The following NRG3 variants were observed in gnomAD, a reference collection of about 807,000 sequenced individuals.
The protein encoded by NRG3 is pro-neuregulin-3, membrane-bound isoform.
NRG3 carries 31 observed loss-of-function variants against 66.9 expected under a neutral mutation model. The ratio of observed to expected loss-of-function variants is 0.46; its 90% confidence interval spans 0.35 to 0.63. The LOEUF (loss-of-function observed/expected upper bound fraction) is 0.63. NRG3 is among the 20% of genes least tolerant of loss of function. NRG3 has a pLI of 0.00. For missense variants in NRG3, 910 were observed against 878.9 expected (o/e 1.04, Z -0.45); for synonymous variants, 393 against 359.4 (o/e 1.09, Z -1.06).
intron 2 of NRG3, among the ~76,000 whole-genome samples, chr10:82,458,156 C>T (rs2091356032): frequency 6.6e-6 from 1 of 152,114 alleles, no homozygotes; most frequent in Admixed American, 6.5e-5. Flanking sequence ...CACAAAGACT[C>T]CTCAGTTCAT....
At chr10:82,817,139 C>T (rs996258545) in intron 3 of NRG3, among the ~76,000 whole-genome samples, 1 of 152,154 alleles carries the variant, frequency 6.6e-6, no homozygotes, top group Non-Finnish European at 1.5e-5. Flanking sequence ...GTCTCTTCCC[C>T]TTTAATTCAG....
chr10:82,603,859 A>G (rs145291294), intron 2 of NRG3, among the ~76,000 whole-genome samples: 304 of 152,274 alleles, frequency 2.0e-3, no homozygotes, highest in African/African-American at 7.0e-3. Context: ...TACAAATGTT[A>G]TGTTTGAAAT....
chr10:82,524,483 A>G (rs937782260), intron 2 of NRG3, among the ~76,000 whole-genome samples: 2 of 151,968 alleles, frequency 1.3e-5, no homozygotes, highest in African/African-American at 4.8e-5. Flanking sequence ...AACTGGAATC[A>G]TTCAGTAACT....
At chr10:82,133,875 C>A (rs771227767) in intron 1 of NRG3, among the ~76,000 whole-genome samples, 7 of 152,134 alleles carry the variant, frequency 4.6e-5, no homozygotes, top group Non-Finnish European at 8.8e-5. Flanking sequence ...ATGTACACTT[C>A]CATCAAGAGT....
intron 1 of NRG3, among the ~76,000 whole-genome samples, chr10:82,257,963 C>T (rs2077821201): frequency 1.3e-5 from 2 of 152,156 alleles, no homozygotes; most frequent in African/African-American, 4.8e-5. Flanking sequence ...CTCTCTCCTC[C>T]TTGGTGTCTG....
chr10:82,840,950 C>T (rs371116940), intron 3 of NRG3, among the ~76,000 whole-genome samples: 3 of 151,868 alleles, frequency 2.0e-5, no homozygotes, highest in South Asian at 2.1e-4. Context: ...GTACCTGTAT[C>T]GTAATGTAAT....
At chr10:82,060,335 C>T (rs2064075598) in intron 1 of NRG3, among the ~76,000 whole-genome samples, 1 of 152,128 alleles carries the variant, frequency 6.6e-6, no homozygotes, top group African/African-American at 2.4e-5. Context: ...TAGAGAATTA[C>T]AGAAAAAAGA....
At chr10:82,110,089 T>G (rs1190398487) in intron 1 of NRG3, among the ~76,000 whole-genome samples, 1 of 152,088 alleles carries the variant, frequency 6.6e-6, no homozygotes, top group African/African-American at 2.4e-5. Flanking sequence ...TGGTCATAAG[T>G]GCTACAGAGA....
chr10:81,914,769 C>CAAAA (rs58460918), intron 1 of NRG3, among the ~76,000 whole-genome samples: 21,435 of 65,796 alleles, frequency 0.33, 2,020 homozygotes, highest in East Asian at 0.54. Flanking sequence ...AAACAGAAAG[C>CAAAA]AAAAAAAAAA....
rs370904134 is a variant in NRG3 at position 82,974,343 on chromosome 10, A to T, written c.1412+428A>T. On this transcript the variant is annotated intron_variant, in intron 7 of 8. Transcript: ENST00000372141. Reference sequence around the variant, plus strand: ...TTTTCCACGGGGAAGAAGCCTGGTGAATCTTCTTCTTGGGTCTATAAAATC... The same window carrying T: ...TTTTCCACGGGGAAGAAGCCTGGTGTATCTTCTTCTTGGGTCTATAAAATC... Among the ~76,000 whole-genome samples the T allele has an allele frequency of 5.9e-5, 9 of 152,304 alleles. No homozygotes were observed. The South Asian group carries it at 1.9e-3, about 32-fold the overall frequency.
chr10:82,066,613 A>G (rs1019846814), intron 1 of NRG3, among the ~76,000 whole-genome samples: 7 of 152,144 alleles, frequency 4.6e-5, no homozygotes, highest in Admixed American at 3.9e-4. Context: ...CAAGCACACA[A>G]TATTTAAAAT....
chr10:82,813,865 T>C (rs2061597272), intron 3 of NRG3, among the ~76,000 whole-genome samples: 1 of 152,196 alleles, frequency 6.6e-6, no homozygotes, highest in African/African-American at 2.4e-5. Context: ...GGCCCAAAGC[T>C]GTGTCTGAAG....
At chr10:82,928,833 C>T (rs1847273093) in intron 4 of NRG3, among the ~76,000 whole-genome samples, 1 of 152,216 alleles carries the variant, frequency 6.6e-6, no homozygotes, top group Admixed American at 6.5e-5. Flanking sequence ...TGCATGTGTA[C>T]CCATGCTGTG....
intron 1 of NRG3, among the ~76,000 whole-genome samples, chr10:82,234,993 C>G (rs7094512): frequency 0.036 from 5,529 of 152,318 alleles, 191 homozygotes; most frequent in African/African-American, 0.085. Context: ...TCTCAACTTA[C>G]AACTGCTCTC....
At chr10:82,350,290 C>G (rs2083347528) in intron 1 of NRG3, among the ~76,000 whole-genome samples, 1 of 152,176 alleles carries the variant, frequency 6.6e-6, no homozygotes, top group African/African-American at 2.4e-5. Flanking sequence ...GTATAATTTT[C>G]ATTGTTACAA....
intron 1 of NRG3, among the ~76,000 whole-genome samples, chr10:81,992,632 C>G (rs2133585853): frequency 6.6e-6 from 1 of 152,254 alleles, no homozygotes; most frequent in African/African-American, 2.4e-5. Flanking sequence ...TTTTCTAACA[C>G]TGTGGATGAG....
At chr10:82,763,088 TG>T (rs2059390607) in intron 3 of NRG3, among the ~76,000 whole-genome samples, 1 of 152,330 alleles carries the variant, frequency 6.6e-6, no homozygotes, top group East Asian at 1.9e-4. Flanking sequence ...CCAGTGTTTA[TG>T]GGGTACAGTG....
At chr10:82,807,747 T>C (rs994274322) in intron 3 of NRG3, among the ~76,000 whole-genome samples, 2 of 152,200 alleles carry the variant, frequency 1.3e-5, no homozygotes. Context: ...TTATACATCA[T>C]GCCTCCAAAG....
chr10:82,468,960 T>C (rs1194979809), intron 2 of NRG3, among the ~76,000 whole-genome samples: 1 of 152,186 alleles, frequency 6.6e-6, no homozygotes, highest in African/African-American at 2.4e-5. Context: ...CTTGCTATCA[T>C]TGAGCATAAA....
Sources: gnomAD v4.1 joint callset for allele counts (sites outside exome capture counted in the v4.1 genomes callset) on GRCh38, gnomAD v4.1.1 for gene constraint, MANE v1.5 for transcripts, NCBI Gene and HGNC (gene_info 2026-07-23, HGNC 2026-07-21) for gene names.